The following STK38 variants were observed in gnomAD, a reference collection of about 807,000 sequenced individuals.
STK38 encodes serine/threonine-protein kinase 38.
Under a neutral mutation model 59.0 loss-of-function variants are expected in STK38, and 26 were observed. The ratio of observed to expected loss-of-function variants is 0.44; its 90% CI spans 0.32 to 0.61. The LOEUF is 0.61. STK38 is among the 20% of genes least tolerant of loss of function. STK38 has a pLI of 0.04. For synonymous variants in STK38, 175 were observed against 176.6 expected, an observed-to-expected ratio of 0.99 and a Z score of 0.07; for missense variants, 433 against 566.0, an observed-to-expected ratio of 0.76 and a Z score of 2.38.
intron 9 of STK38, among the ~76,000 whole-genome samples, chr6:36,506,234 A>G (rs1451504091): frequency 6.6e-6 from 1 of 152,132 alleles, no homozygotes; most frequent in Non-Finnish European, 1.5e-5. Context: ...GAAAACTCTA[A>G]GTAGGTATTT....
chr6:36,495,660 G>T lies in STK38; in HGVS notation c.*124C>A. The T allele has an allele frequency of 7.8e-7, 1 of 1,283,104 alleles. No homozygotes were observed. The highest frequency in any genetic ancestry group is 1.1e-6 in the Non-Finnish European group (1 of 938,786). 79.5% of individuals were successfully genotyped at this position (1,283,104 alleles called of 1,614,324 possible). The stretch of plus-strand genomic sequence containing the variant: ...AAATCCTCTTACTACCACATTTCAG[G>T]AGACTTTACTATGACATATTGGTGG... On this transcript the variant is annotated 3_prime_UTR_variant, in exon 14 of 14. Transcript: ENST00000229812.
At chr6:36,511,884 C>T (rs897143696) in intron 7 of STK38, among the ~76,000 whole-genome samples, 2 of 151,642 alleles carry the variant, frequency 1.3e-5, no homozygotes, top group African/African-American at 2.4e-5. Context: ...CAGGGTGAAA[C>T]CCCATCTCTA....
chr6:36,507,518 T>C lies in STK38; in HGVS notation c.754A>G (p.Ser252Gly). The change falls in exon 8 of 14, where the codon AGC becomes GGC. Residue 252 changes from serine to glycine, a missense_variant. Physicochemically the swap from Ser to Gly is moderately conservative, Grantham distance 56. This residue lies in a region of STK38 where 293 missense variants were observed against 388.2 expected (regional missense o/e 0.75). Coordinates refer to ENST00000229812, the MANE Select transcript of STK38 (RefSeq NM_007271.4). ...CACTTACTGAAATCACTGGGGAGGC[T>C]GTGGTTCAGATTCCTATAAAATTCT... ...RTEFYRNLNH[S>G]LPSDFTFQNM... 6.2e-7 allele frequency: 1 copy of C among 1,614,068 alleles called. No individual in the cohort carries two copies. The highest frequency in any genetic ancestry group is 8.5e-7 in the Non-Finnish European group (1 of 1,179,960).
At chr6:36,541,308 C>T (rs574625239) in intron 1 of STK38, among the ~76,000 whole-genome samples, 2 of 152,264 alleles carry the variant, frequency 1.3e-5, no homozygotes, top group East Asian at 1.9e-4. Context: ...GTAAACCACA[C>T]GCCTGTAATC....
chr6:36,536,725 G>A (rs1033721002), intron 2 of STK38, among the ~76,000 whole-genome samples: 7 of 151,818 alleles, frequency 4.6e-5, no homozygotes, highest in Admixed American at 1.3e-4. Context: ...TAGTAGAGAC[G>A]GGGTTTCTCC....
chr6:36,515,204 T>A (rs943973009), intron 7 of STK38, 134 bp downstream of exon 7: 57 of 905,004 alleles, frequency 6.3e-5, no homozygotes, highest in Non-Finnish European at 7.5e-5. Flanking sequence ...CTTACCTGTT[T>A]AAAAAAAAAA....
chr6:36,543,231 A>G (rs1284620552), intron 1 of STK38, among the ~76,000 whole-genome samples: 1 of 151,120 alleles, frequency 6.6e-6, no homozygotes, highest in East Asian at 2.0e-4. Flanking sequence ...CGCCCGGCTA[A>G]TTTTTTCTAT....
intron 4 of STK38, chr6:36,522,089 A>G (rs574435791): frequency 1.2e-4 from 29 of 248,442 alleles, no homozygotes; most frequent in African/African-American, 6.6e-4. Context: ...AAAACCTTCA[A>G]TTTCAAATTT....
chr6:36,545,011 C>T (rs763561795), intron 1 of STK38, among the ~76,000 whole-genome samples: 1 of 151,892 alleles, frequency 6.6e-6, no homozygotes, highest in Non-Finnish European at 1.5e-5. Flanking sequence ...TAAAGATGGC[C>T]GGACACGGTG....
intron 2 of STK38, among the ~76,000 whole-genome samples, chr6:36,527,207 A>AAAAATATATATATATATAT (rs60162863): frequency 3.4e-5 from 4 of 119,352 alleles, no homozygotes; most frequent in Admixed American, 3.1e-4. Flanking sequence ...AAAAAAAAAA[A>AAAAATATATATATATATAT]ATATATGTAT....
intron 6 of STK38, 64 bp from the exon 7 acceptor site, chr6:36,515,556 A>T: frequency 6.5e-7 from 1 of 1,544,634 alleles, no homozygotes; most frequent in Admixed American, 1.9e-5. Context: ...ACACACACAC[A>T]ACATACGAGT....
At chr6:36,540,264 C>T in intron 1 of STK38, 57 bp from the exon 2 acceptor site, 1 of 1,577,532 alleles carries the variant, frequency 6.3e-7, no homozygotes, top group Non-Finnish European at 8.7e-7. Context: ...ACCCAGTGTG[C>T]ACTCTCCTAC....
At chr6:36,515,602 C>T (rs1582428372) in intron 6 of STK38, 110 bp from the exon 7 acceptor site, 2 of 1,548,614 alleles carry the variant, frequency 1.3e-6, no homozygotes, top group East Asian at 4.6e-5. Flanking sequence ...CCCTATCTGC[C>T]AAAATAAGGC....
intron 1 of STK38, among the ~76,000 whole-genome samples, chr6:36,546,419 T>C (rs1778053946): frequency 6.6e-6 from 1 of 152,136 alleles, no homozygotes; most frequent in Non-Finnish European, 1.5e-5. Context: ...AAACCAAATA[T>C]ATTGCCTGGC....
chr6:36,539,951 T>C (rs958499703), intron 2 of STK38, 121 bp downstream of exon 2: 8 of 1,475,644 alleles, frequency 5.4e-6, no homozygotes, highest in Middle Eastern at 2.4e-4. Flanking sequence ...TGTCATTCCA[T>C]TATGATAGTC....
intron 1 of STK38, among the ~76,000 whole-genome samples, chr6:36,540,867 C>A (rs887492981): frequency 1.3e-5 from 2 of 151,568 alleles, no homozygotes; most frequent in Non-Finnish European, 2.9e-5. Context: ...AGCCACCGCG[C>A]CTGGCCCACA....
chr6:36,499,771 G>C (rs1776793493), intron 10 of STK38, 102 bp downstream of exon 10: 3 of 936,796 alleles, frequency 3.2e-6, no homozygotes, highest in Admixed American at 1.7e-5. Flanking sequence ...AAGACAAGTA[G>C]GGAAATCACT....
chr6:36,500,088 C>A (rs577963750), intron 9 of STK38, 98 bp from the exon 10 acceptor site: 1 of 889,170 alleles, frequency 1.1e-6, no homozygotes, highest in Non-Finnish European at 1.9e-6. Flanking sequence ...TCAGAAGCTA[C>A]CCCCAAGCTA....
At chr6:36,524,234 ATT>A (rs1777453211) in intron 4 of STK38, 105 bp downstream of exon 4, 1 of 1,391,488 alleles carries the variant, frequency 7.2e-7, no homozygotes, top group African/African-American at 1.5e-5. Flanking sequence ...TGCCTGACTC[ATT>A]TAATTCCATA....
Sources: gnomAD v4.1 joint callset for allele counts (sites outside exome capture counted in the v4.1 genomes callset) on GRCh38, gnomAD v4.1.1 for gene constraint, gnomAD v4.1.1 regional missense constraint, MANE v1.5 for transcripts, NCBI Gene and HGNC (gene_info 2026-07-23, HGNC 2026-07-21) for gene names.